TJP1: variants seen among roughly 807,000 people sequenced by gnomAD.
TJP1 encodes the protein tight junction protein ZO-1.
TJP1 carries 43 observed loss-of-function variants against 194.2 expected under a neutral mutation model. The ratio of observed to expected loss-of-function variants is 0.22; its 90% confidence interval spans 0.17 to 0.29. The LOEUF (loss-of-function observed/expected upper bound fraction) is 0.29, where lower values mean the gene tolerates loss of function less well. TJP1 is among the 10% of genes least tolerant of loss of function. TJP1 has a pLI of 1.00. For missense variants in TJP1, 1,971 were observed against 2,185.7 expected (o/e 0.90, Z 1.96); for synonymous variants, 801 against 779.0 (o/e 1.03, Z -0.47).
chr15:29,721,108 C>A (rs556656535), intron 18 of TJP1, among the ~76,000 whole-genome samples: 1 of 152,306 alleles, frequency 6.6e-6, no homozygotes, highest in South Asian at 2.1e-4. Context: ...GACAGAATAG[C>A]ACATGGAAGA....
chr15:29,766,586 A>G lies in TJP1; in HGVS notation c.313-44T>C, dbSNP rs780351108. 4.0e-6 allele frequency: 6 copies of G among 1,512,400 alleles called. No homozygotes were observed. The South Asian group carries it at 4.1e-5, about 10-fold the overall frequency. The allele number at this position is 1,512,400 out of a possible 1,614,324, so 93.7% of individuals were successfully genotyped here. The stretch of plus-strand genomic sequence containing the variant: ...AAAAAATAAGTTGACTGATTTTCAT[A>G]TATGTACGTTCAGTTCCAAAGAGAA... On this transcript the variant is annotated intron_variant, in intron 4 of 27. Transcript: ENST00000614355.
chr15:29,922,214 A>G (rs2054387919), intron 2 of TJP1, among the ~76,000 whole-genome samples: 1 of 151,458 alleles, frequency 6.6e-6, no homozygotes, highest in South Asian at 2.1e-4. Context: ...CCTCTCTTAA[A>G]CTCCAGGCCT....
chr15:29,934,783 T>C (rs2054829680), intron 2 of TJP1, among the ~76,000 whole-genome samples: 1 of 152,214 alleles, frequency 6.6e-6, no homozygotes, highest in Admixed American at 6.5e-5. Flanking sequence ...AAATACAAAC[T>C]TATATTAGAG....
chr15:29,944,741 T>C (rs1304974739), intron 2 of TJP1, among the ~76,000 whole-genome samples: 1 of 152,214 alleles, frequency 6.6e-6, no homozygotes, highest in Non-Finnish European at 1.5e-5. Flanking sequence ...CAATTATAGC[T>C]TCTGTCATTA....
intron 2 of TJP1, among the ~76,000 whole-genome samples, chr15:29,949,454 AC>A (rs2055476475): frequency 8.2e-6 from 1 of 122,632 alleles, no homozygotes; most frequent in Non-Finnish European, 1.7e-5. Flanking sequence ...CACCTTCACC[AC>A]CACTTCCACC....
intron 2 of TJP1, among the ~76,000 whole-genome samples, chr15:29,929,232 T>C (rs1631472): frequency 0.26 from 38,795 of 151,946 alleles, 5,179 homozygotes; most frequent in East Asian, 0.35. Context: ...TAAAAAATCA[T>C]AGGTCAGAGA....
chr15:29,878,251 C>T (rs771995472), intron 2 of TJP1, among the ~76,000 whole-genome samples: 15 of 151,956 alleles, frequency 9.9e-5, no homozygotes, highest in Non-Finnish European at 2.1e-4. Context: ...GGGGTTTCAC[C>T]CTGTTAGCCA....
intron 13 of TJP1, 129 bp downstream of exon 13, chr15:29,732,965 A>C: frequency 1.6e-6 from 2 of 1,253,316 alleles, no homozygotes; most frequent in Non-Finnish European, 2.2e-6. Flanking sequence ...TGTAAACCTA[A>C]GTCAGTTATA....
chr15:29,751,934 C>T (rs1260443829), intron 8 of TJP1, among the ~76,000 whole-genome samples: 2 of 151,902 alleles, frequency 1.3e-5, no homozygotes, highest in East Asian at 3.9e-4. Context: ...TTTTGTACTA[C>T]TTATTTTTGA....
chr15:29,758,320 C>T (rs886297595), intron 8 of TJP1, among the ~76,000 whole-genome samples: 1 of 151,640 alleles, frequency 6.6e-6, no homozygotes, highest in African/African-American at 2.4e-5. Context: ...AAAGCAAGCC[C>T]CAGAAGTTTG....
intron 8 of TJP1, among the ~76,000 whole-genome samples, chr15:29,757,233 G>A (rs16954392): frequency 0.013 from 1,965 of 152,162 alleles, 45 homozygotes; most frequent in African/African-American, 0.045. Flanking sequence ...GCAGATAATC[G>A]CACATCCTAA....
chr15:29,752,966 C>T lies in TJP1; in HGVS notation c.1010+8173G>A, dbSNP rs148758350. Among the ~76,000 whole-genome samples the T allele has an allele frequency of 8.1e-3, 1,230 of 152,206 alleles. 8 individuals carry two copies. The highest frequency in any genetic ancestry group is 0.014 in the Non-Finnish European group (943 of 67,988). Reference sequence around the variant, plus strand: ...TTATTCCAGAATGACCTTCACCTGCCAGGGTCTTTCTTACCCAGTTCAAAA... The same window carrying T: ...TTATTCCAGAATGACCTTCACCTGCTAGGGTCTTTCTTACCCAGTTCAAAA... On this transcript the variant is annotated intron_variant, in intron 8 of 27. Transcript: ENST00000614355.
At position 29,921,846 on chromosome 15, in the gene TJP1, TC is replaced by T. The variant is rs1380727543; in HGVS notation, c.306+34385del. Among the ~76,000 whole-genome samples the T allele has an allele frequency of 1.0e-3, 140 of 139,020 alleles. 2 individuals are homozygous for T. The highest frequency in any genetic ancestry group is 3.5e-3 in the African/African-American group (135 of 38,478). The allele number at this position is 139,020 out of a possible 152,430, so 91.2% of individuals were successfully genotyped here. ...CCCATTTTTTTTCTTTTTCTTTCTT[TC>T]TTTTTTTTTTCTCCATGACGGAGTT... is the stretch of plus-strand genomic sequence containing the variant. On this transcript the variant is annotated intron_variant, in intron 2 of 28. Coordinates refer to the TJP1 transcript ENST00000356107.
chr15:29,758,516 G>T (rs886246220), intron 8 of TJP1, among the ~76,000 whole-genome samples: 3 of 152,240 alleles, frequency 2.0e-5, no homozygotes, highest in Admixed American at 2.0e-4. Flanking sequence ...ACATCAAAAA[G>T]AATTTTCTAA....
chr15:29,806,137 G>C (rs2049096865), intron 1 of TJP1, among the ~76,000 whole-genome samples: 1 of 152,142 alleles, frequency 6.6e-6, no homozygotes, highest in Admixed American at 6.5e-5. Context: ...TTGAGAAAGG[G>C]AAACCAGTTA....
chr15:29,761,689 C>T lies in TJP1; in HGVS notation c.774G>A (p.Met258Ile), dbSNP rs1000179454. 2.5e-6 allele frequency: 4 copies of T among 1,609,908 alleles called. No homozygotes were observed. Among genetic ancestry groups the T allele is most frequent in the Non-Finnish European group, 3.4e-6 (4 of 1,176,624 alleles). Residue 258 changes from methionine (M) to isoleucine (I), a missense_variant, in exon 7 of 28, where the codon ATG (methionine) becomes ATA (isoleucine). Around this residue, in one of 5 missense-constraint regions of TJP1, gnomAD observed 245 missense variants for 336.6 expected, o/e 0.73. Coordinates refer to ENST00000614355, the MANE Select transcript of TJP1 (RefSeq NM_001330239.4). ...LIERSKGKLKMVVQRDERATL... is the reference protein window; with the variant it reads ...LIERSKGKLKIVVQRDERATL... ...TAGCCCGTTCATCTCTTTGAACTAC[C>T]ATTTTTAATTTGCCTTTAGACCTTT...
At chr15:29,952,561 G>A (rs1596318795) in intron 2 of TJP1, among the ~76,000 whole-genome samples, 1 of 152,004 alleles carries the variant, frequency 6.6e-6, no homozygotes, top group East Asian at 1.9e-4. Context: ...TACAGCAAGT[G>A]GATCTCTTGC....
chr15:29,845,166 T>A (rs983359097), intron 2 of TJP1, among the ~76,000 whole-genome samples: 29 of 152,216 alleles, frequency 1.9e-4, no homozygotes, highest in African/African-American at 7.0e-4. Context: ...GTCTTAAGTT[T>A]AAGATGAGAA....
intron 2 of TJP1, among the ~76,000 whole-genome samples, chr15:29,859,622 T>C (rs934537000): frequency 1.3e-5 from 2 of 152,124 alleles, no homozygotes; most frequent in Admixed American, 6.6e-5. Context: ...ATCGTGGTTC[T>C]CTGGAGGTAA....
Sources: allele counts gnomAD v4.1 joint callset (sites outside exome capture counted in the v4.1 genomes callset), GRCh38; gene constraint gnomAD v4.1.1; regional missense constraint gnomAD v4.1.1; transcripts MANE v1.5; gene names NCBI Gene and HGNC (gene_info 2026-07-23, HGNC 2026-07-21).